The following RPSA2 variants were observed in gnomAD, a reference collection of about 807,000 sequenced individuals.
RPSA2 encodes the protein small ribosomal subunit protein uS2B.
the RPSA2 span, among the ~76,000 whole-genome samples, chr19:23,780,338 G>A: frequency 6.6e-6 from 1 of 152,072 alleles, no homozygotes. Context: ...ACAGATGCAG[G>A]CCACAGTTAA....
the RPSA2 span, among the ~76,000 whole-genome samples, chr19:23,809,997 A>G: frequency 9.9e-5 from 15 of 151,404 alleles, no homozygotes; most frequent in South Asian, 6.3e-4. Context: ...GGCCCCCCCA[A>G]TGTGATAGAA....
At chr19:23,810,423 G>A in the RPSA2 span, among the ~76,000 whole-genome samples, 2 of 3,042 alleles carry the variant, frequency 6.6e-4, 1 homozygote, top group Non-Finnish European at 1.5e-3. Context: ...AAAAAAAAGG[G>A]AAAAGGGCTT....
chr19:23,811,029 C>T, the RPSA2 span, among the ~76,000 whole-genome samples: 8 of 138,030 alleles, frequency 5.8e-5, no homozygotes, highest in Non-Finnish European at 7.7e-5. Flanking sequence ...TTTTTTGAGA[C>T]GGAGTCTTGC....
the RPSA2 span, chr19:23,832,310 G>C: frequency 2.1e-6 from 1 of 469,528 alleles, no homozygotes; most frequent in African/African-American, 2.0e-5. Context: ...CATTACAAGT[G>C]TGAAGAAAGT....
the RPSA2 span, among the ~76,000 whole-genome samples, chr19:23,856,431 G>A: frequency 1.3e-5 from 2 of 152,018 alleles, no homozygotes; most frequent in Admixed American, 1.3e-4. Flanking sequence ...GTTTAATATA[G>A]TAGAGATAAG....
the RPSA2 span, among the ~76,000 whole-genome samples, chr19:23,765,335 C>T: frequency 6.6e-6 from 1 of 152,152 alleles, no homozygotes; most frequent in African/African-American, 2.4e-5. Flanking sequence ...AAGGCACATG[C>T]ATGCGTATGT....
the RPSA2 span, among the ~76,000 whole-genome samples, chr19:23,776,615 A>G: frequency 1.4e-4 from 21 of 151,924 alleles, no homozygotes; most frequent in Admixed American, 1.4e-3. Context: ...ACTCCCTTTT[A>G]CTGCCTGGTT....
the RPSA2 span, among the ~76,000 whole-genome samples, chr19:23,808,191 C>T: frequency 1.3e-5 from 2 of 151,740 alleles, no homozygotes; most frequent in Non-Finnish European, 2.9e-5. Flanking sequence ...AATATTGTTA[C>T]TCACACCTTA....
At chr19:23,855,487 C>T in the RPSA2 span, among the ~76,000 whole-genome samples, 84 of 152,214 alleles carry the variant, frequency 5.5e-4, 1 homozygote, top group South Asian at 2.7e-3. Flanking sequence ...CAGGAGGTTC[C>T]AGCACGACCA....
chr19:23,763,384 G>A, the RPSA2 span, among the ~76,000 whole-genome samples: 1 of 152,244 alleles, frequency 6.6e-6, no homozygotes, highest in African/African-American at 2.4e-5. Context: ...TATTTCCCAG[G>A]TTGTTCAGGG....
chr19:23,836,104 C>A, the RPSA2 span, among the ~76,000 whole-genome samples: 1 of 151,958 alleles, frequency 6.6e-6, no homozygotes, highest in Non-Finnish European at 1.5e-5. Context: ...ATCACCCAAG[C>A]AGTATACACT....
the RPSA2 span, among the ~76,000 whole-genome samples, chr19:23,830,195 A>T: frequency 6.6e-6 from 1 of 152,124 alleles, no homozygotes; most frequent in East Asian, 1.9e-4. Context: ...GCCAGGCTGG[A>T]GCATAGTGGT....
At chr19:23,869,549 A>G in the RPSA2 span, among the ~76,000 whole-genome samples, 1 of 152,096 alleles carries the variant, frequency 6.6e-6, no homozygotes, top group Non-Finnish European at 1.5e-5. Flanking sequence ...TGGGGAACTA[A>G]AGGTCAACTA....
chr19:23,866,944 G>T, the RPSA2 span, among the ~76,000 whole-genome samples: 5 of 152,274 alleles, frequency 3.3e-5, no homozygotes, highest in Middle Eastern at 3.4e-3. Context: ...TGGTTAAGGA[G>T]AAATTCAAAT....
At chr19:23,855,081 C>T in the RPSA2 span, among the ~76,000 whole-genome samples, 3 of 152,094 alleles carry the variant, frequency 2.0e-5, no homozygotes, top group Admixed American at 6.6e-5. Context: ...GGAGCTTGGC[C>T]TGGGGCACGT....
the RPSA2 span, among the ~76,000 whole-genome samples, chr19:23,796,837 A>T: frequency 7.2e-6 from 1 of 139,628 alleles, no homozygotes; most frequent in Non-Finnish European, 1.5e-5. Flanking sequence ...TTCTTCCTTC[A>T]TTAATCTAGC....
At chr19:23,767,024 C>T in the RPSA2 span, among the ~76,000 whole-genome samples, 2 of 152,064 alleles carry the variant, frequency 1.3e-5, no homozygotes, top group African/African-American at 4.8e-5. Flanking sequence ...ATGATCTCGG[C>T]TCACTGAAAC....
the RPSA2 span, among the ~76,000 whole-genome samples, chr19:23,867,411 A>G: frequency 2.0e-5 from 3 of 152,258 alleles, no homozygotes; most frequent in East Asian, 3.8e-4. Flanking sequence ...TATGAGACTT[A>G]CAAATGAAAA....
chr19:23,760,669 ATTTT>A, the RPSA2 span, among the ~76,000 whole-genome samples: 294 of 83,318 alleles, frequency 3.5e-3, no homozygotes, highest in African/African-American at 7.3e-3. Context: ...ATATATATAT[ATTTT>A]TTTTTTTTTA....
Sources: gnomAD v4.1 joint callset for allele counts (sites outside exome capture counted in the v4.1 genomes callset) on GRCh38, gnomAD v4.1.1 for gene constraint, MANE v1.5 for transcripts, NCBI Gene and HGNC (gene_info 2026-07-23, HGNC 2026-07-21) for gene names.